The following CRB1 variants were observed in gnomAD, a reference collection of about 807,000 sequenced individuals.
CRB1 encodes crumbs cell polarity complex component 1.
CRB1 carries 83 observed loss-of-function variants against 120.0 expected under a neutral mutation model. The ratio of observed to expected loss-of-function variants is 0.69; its 90% CI spans 0.58 to 0.83. The LOEUF is 0.83. Among genes scored for constraint, CRB1 ranks in the 40% least tolerant of loss-of-function variants. CRB1 has a pLI of 0.00. For missense variants in CRB1, 1,699 were observed against 1,687.6 expected (o/e 1.01, Z -0.12); for synonymous variants, 625 against 612.5 (o/e 1.02, Z -0.30).
At chr1:197,455,514 G>A (rs1050664232) in intron 11 of CRB1, among the ~76,000 whole-genome samples, 1 of 152,082 alleles carries the variant, frequency 6.6e-6, no homozygotes, top group Non-Finnish European at 1.5e-5. Context: ...TAAGAATGGT[G>A]TGTATACATT....
At chr1:197,269,065 A>G (rs116457470) in intron 1 of CRB1, among the ~76,000 whole-genome samples, 183 of 152,316 alleles carry the variant, frequency 1.2e-3, no homozygotes, top group Non-Finnish European at 2.4e-3. Context: ...TTCCCCAAAT[A>G]GAAGCAAGAG....
intron 1 of CRB1, among the ~76,000 whole-genome samples, chr1:197,305,554 G>A (rs1657111573): frequency 6.6e-6 from 1 of 151,686 alleles, no homozygotes; most frequent in Non-Finnish European, 1.5e-5. Flanking sequence ...TATAGAGAGA[G>A]AAGAGAAATA....
chr1:197,432,693 A>G (rs1558136086), intron 8 of CRB1, among the ~76,000 whole-genome samples: 1 of 152,170 alleles, frequency 6.6e-6, no homozygotes, highest in Non-Finnish European at 1.5e-5. Context: ...CAGTGAAGGA[A>G]CAAGTAAACA....
chr1:197,439,313 T>G (rs1159276487), intron 10 of CRB1: 1 of 156,036 alleles, frequency 6.4e-6, no homozygotes, highest in Non-Finnish European at 1.4e-5. Context: ...AGTTATGAAC[T>G]GGGGCTCTAT....
chr1:197,410,017 C>T (rs2125448953), intron 5 of CRB1, among the ~76,000 whole-genome samples: 1 of 152,292 alleles, frequency 6.6e-6, no homozygotes, highest in South Asian at 2.1e-4. Context: ...GATCTCCTGA[C>T]CTCGTGATCC....
chr1:197,245,463 T>C, the CRB1 span, among the ~76,000 whole-genome samples: 2 of 152,008 alleles, frequency 1.3e-5, no homozygotes, highest in African/African-American at 4.8e-5. Flanking sequence ...TGCCTGTGAA[T>C]AGCCACTGCA....
intron 7 of CRB1, 95 bp from the exon 8 acceptor site, chr1:197,429,354 T>C: frequency 6.8e-7 from 1 of 1,471,528 alleles, no homozygotes; most frequent in Non-Finnish European, 9.5e-7. Flanking sequence ...GCAGGGAAAT[T>C]AGCATTTTAA....
intron 1 of CRB1, among the ~76,000 whole-genome samples, chr1:197,296,656 G>C (rs1303421247): frequency 6.6e-6 from 1 of 152,050 alleles, no homozygotes; most frequent in African/African-American, 2.4e-5. Flanking sequence ...TGGTTTGGCT[G>C]TGTCCCCACC....
At chr1:197,227,453 C>T in the CRB1 span, among the ~76,000 whole-genome samples, 8 of 149,224 alleles carry the variant, frequency 5.4e-5, no homozygotes, top group Admixed American at 1.3e-4. Flanking sequence ...GTGCGTGGCA[C>T]GAAGGGCAGT....
Position 197,359,541 on chromosome 1 carries a change from T to C in CRB1, c.1171+2528T>C, listed in dbSNP as rs561339533. Among the ~76,000 whole-genome samples the C allele has an allele frequency of 3.9e-5, 6 of 152,328 alleles. No individual in the cohort carries two copies. The South Asian group carries it at 1.2e-3, about 32-fold the overall frequency. ...CTATTAATTCATAACAGCCGCTGAA[T>C]AAAGCTGCTAGAAACATTGTTGTAC... On this transcript the variant is annotated intron_variant, in intron 5 of 11. Transcript: ENST00000367400.
chr1:197,466,736 G>A (rs927505186), intron 11 of CRB1, among the ~76,000 whole-genome samples: 1 of 152,196 alleles, frequency 6.6e-6, no homozygotes, highest in Non-Finnish European at 1.5e-5. Context: ...AGGGATGTCA[G>A]GGATCCTGCA....
chr1:197,420,276 C>T (rs933389873), intron 5 of CRB1, among the ~76,000 whole-genome samples: 2 of 151,854 alleles, frequency 1.3e-5, no homozygotes, highest in Admixed American at 1.3e-4. Context: ...AGGTGTTATA[C>T]GTATTCATAT....
intron 5 of CRB1, among the ~76,000 whole-genome samples, chr1:197,379,897 A>G (rs1406521317): frequency 1.3e-5 from 2 of 152,240 alleles, no homozygotes; most frequent in Non-Finnish European, 2.9e-5. Flanking sequence ...GATAATTAGT[A>G]TAACAAAATT....
At chr1:197,388,654 TTATAATC>T (rs1440638808) in intron 5 of CRB1, among the ~76,000 whole-genome samples, 1 of 152,104 alleles carries the variant, frequency 6.6e-6, no homozygotes, top group Non-Finnish European at 1.5e-5. Flanking sequence ...ATGGAAGAGT[TTATAATC>T]TAATAATGTA....
At chr1:197,346,753 C>T (rs756705008) in intron 3 of CRB1, among the ~76,000 whole-genome samples, 1 of 152,068 alleles carries the variant, frequency 6.6e-6, no homozygotes, top group South Asian at 2.1e-4. Context: ...CCAGTCATTC[C>T]GTTAATAATT....
At chr1:197,292,972 A>C (rs1287924020) in intron 1 of CRB1, among the ~76,000 whole-genome samples, 1 of 152,070 alleles carries the variant, frequency 6.6e-6, no homozygotes, top group African/African-American at 2.4e-5. Flanking sequence ...ATGGGCAAAA[A>C]CTGGAAGCAT....
chr1:197,417,938 T>G (rs1170960785), intron 5 of CRB1, among the ~76,000 whole-genome samples: 2 of 152,180 alleles, frequency 1.3e-5, no homozygotes, highest in African/African-American at 4.8e-5. Flanking sequence ...CATTGAAATT[T>G]TTGATCATTA....
intron 11 of CRB1, among the ~76,000 whole-genome samples, chr1:197,472,782 G>A (rs568974882): frequency 6.6e-6 from 1 of 152,114 alleles, no homozygotes; most frequent in Non-Finnish European, 1.5e-5. Flanking sequence ...GTGATAACCC[G>A]AAGCGCCTCC....
At chr1:197,475,087 A>G (rs893723742) in intron 11 of CRB1, among the ~76,000 whole-genome samples, 2 of 152,234 alleles carry the variant, frequency 1.3e-5, no homozygotes, top group Non-Finnish European at 2.9e-5. Context: ...ACTGAACTCT[A>G]TGAAATTCTA....
Sources: allele counts gnomAD v4.1 joint callset (sites outside exome capture counted in the v4.1 genomes callset), GRCh38; gene constraint gnomAD v4.1.1; transcripts MANE v1.5; gene names NCBI Gene and HGNC (gene_info 2026-07-23, HGNC 2026-07-21).